Variants in VASH1 observed in about 807,000 individuals in gnomAD.
VASH1 encodes tubulinyl-Tyr carboxypeptidase 1.
A neutral mutation model predicts 35.0 loss-of-function variants in VASH1; 16 were observed. The observed-to-expected ratio is 0.46, with a 90% CI of 0.31 to 0.70. VASH1 has a LOEUF of 0.70. Among genes scored for constraint, VASH1 ranks in the 30% least tolerant of loss-of-function variants. VASH1 has a pLI of 0.05. For synonymous variants in VASH1, 214 were observed against 200.9 expected (o/e 1.07, Z -0.55); for missense variants, 505 against 510.7 (o/e 0.99, Z 0.11).
At chr14:76,772,728 T>C (rs1026649599) in intron 3 of VASH1, among the ~76,000 whole-genome samples, 2 of 152,246 alleles carry the variant, frequency 1.3e-5, no homozygotes, top group African/African-American at 2.4e-5. Context: ...CAGTGGTGTC[T>C]ACTGTGCTTC....
At chr14:76,770,197 T>C (rs1283570891) in intron 2 of VASH1, 146 bp downstream of exon 2, 2 of 766,262 alleles carry the variant, frequency 2.6e-6, no homozygotes, top group African/African-American at 1.8e-5. Context: ...TGCTCCCTGG[T>C]GCTGTGGGAC....
intron 5 of VASH1, among the ~76,000 whole-genome samples, chr14:76,777,420 A>G (rs1241586381): frequency 2.0e-5 from 3 of 152,226 alleles, no homozygotes; most frequent in Non-Finnish European, 4.4e-5. Context: ...TTCCCAGCCT[A>G]TTCAGTGCTA....
At position 76,777,634 on chromosome 14, in the gene VASH1, A is replaced by C. The variant is rs114802813; in HGVS notation, c.913-325A>C. 2.4e-3 allele frequency among the ~76,000 whole-genome samples: 370 copies of C among 152,290 alleles called. 4 individuals carry two copies. The highest frequency in any genetic ancestry group is 8.7e-3 in the African/African-American group (360 of 41,564). On this transcript the variant is annotated intron_variant, in intron 5 of 6. Coordinates refer to ENST00000167106, the MANE Select transcript of VASH1 (RefSeq NM_014909.5). ...TGAGTGGGATCTCAGCCCCAAGTTC[A>C]GTGTGGGCTGCTCCCACAACTGGCA... is the stretch of plus-strand genomic sequence containing the variant.
intron 5 of VASH1, among the ~76,000 whole-genome samples, 188 bp from the exon 6 acceptor site, chr14:76,777,771 G>A (rs534413251): frequency 1.4e-4 from 21 of 152,328 alleles, no homozygotes; most frequent in Non-Finnish European, 2.6e-4. Context: ...CCCCATGGAG[G>A]AACTCCTGCT....
intron 5 of VASH1, among the ~76,000 whole-genome samples, chr14:76,777,600 C>G (rs1188563401): frequency 1.3e-5 from 2 of 152,232 alleles, no homozygotes; most frequent in African/African-American, 4.8e-5. Context: ...CCCAGCATCA[C>G]CCTTGGGGTG....
rs1894018829 is a variant in VASH1 at position 76,778,811 on chromosome 14, GCA to G, written c.1026-133_1026-132del. The G allele has an allele frequency of 5.9e-6, 5 of 843,128 alleles. No individual in the cohort carries two copies. The Admixed American group carries it at 8.7e-5, about 15-fold the overall frequency. 52.2% of individuals were successfully genotyped at this position (843,128 alleles called of 1,614,324 possible). A position where few individuals can be genotyped will look rare whatever the true frequency, so the allele number is the denominator to read the frequency against. On this transcript the variant is annotated intron_variant, in intron 6 of 6. Transcript: ENST00000167106. ...GGTGTCCAAAAACACACTTCCATAC[GCA>G]CTGTGCTGTGCGTTGGAGGGCCACT...
rs544802826 is a variant in VASH1 at position 76,773,180 on chromosome 14, A to G, written c.499A>G (p.Ile167Val). ...GGAAATGACCAAAGAGGCCCTGCCA[A>G]TCAAATGCCTGGAAGCCGTGATCCT... ...AKEMTKEALP[I>V]KCLEAVILGI... The change falls in exon 4 of 7, where the codon ATC becomes GTC. Residue 167 changes from isoleucine to valine, a missense_variant. Physicochemically the swap from Ile to Val is conservative, Grantham distance 29 (BLOSUM62 3). Coordinates refer to ENST00000167106, the MANE Select transcript of VASH1 (RefSeq NM_014909.5). 1 of 1,614,120 alleles carries G rather than the reference A, an allele frequency of 6.2e-7. No homozygotes were observed. Among genetic ancestry groups the G allele is most frequent in the Middle Eastern group, 1.6e-4 (1 of 6,062 alleles).
Position 76,779,792 on chromosome 14 carries a change from T to C in VASH1, c.*774T>C, listed in dbSNP as rs748431831. 94 of 516,676 alleles carry C rather than the reference T, an allele frequency of 1.8e-4. No homozygotes were observed. The highest frequency in any genetic ancestry group is 2.9e-4 in the Non-Finnish European group (84 of 294,532). 32.0% of individuals were successfully genotyped at this position (516,676 alleles called of 1,614,324 possible). On this transcript the variant is annotated 3_prime_UTR_variant, in exon 7 of 7. Coordinates refer to ENST00000167106, the MANE Select transcript of VASH1 (RefSeq NM_014909.5). Reference sequence around the variant, plus strand: ...CTGTTGCTCTAGCCCACAGGCTCCCTGCGGAGGGTCTGGGCTTGGCGGAGG... The same window carrying C: ...CTGTTGCTCTAGCCCACAGGCTCCCCGCGGAGGGTCTGGGCTTGGCGGAGG...
intron 2 of VASH1, among the ~76,000 whole-genome samples, chr14:76,770,635 C>T (rs1160680557): frequency 1.3e-5 from 2 of 151,120 alleles, no homozygotes; most frequent in Non-Finnish European, 3.0e-5. Context: ...CACCCTGCCC[C>T]TGCACCCTGC....
In VASH1 at chr14:76,776,022, AGTCGGCG is replaced by A; in HGVS notation, c.662_668del (p.Ser221ThrfsTer4). On this transcript the variant is annotated frameshift_variant, in exon 5 of 7. Coordinates refer to ENST00000167106, the MANE Select transcript of VASH1 (RefSeq NM_014909.5). LOFTEE classifies it high-confidence loss of function. ...GGGCCGCTACGGTGCGCTGGGCATG[AGTCGGCG>A]CGAGGACCTGATGTACAAGCCGCCC... is the stretch of plus-strand genomic sequence containing the variant. 1 of 1,612,598 alleles carries A rather than the reference AGTCGGCG, an allele frequency of 6.2e-7. No individual in the cohort carries two copies. Among genetic ancestry groups the A allele is most frequent in the Non-Finnish European group, 8.5e-7 (1 of 1,179,814 alleles).
At position 76,779,405 on chromosome 14, in the gene VASH1, T is replaced by C. The variant is rs1041134418; in HGVS notation, c.*387T>C. ...CCCTGGCTTCTCTCTGGGAGTTGGGTGCATCTTATCAGTGGGAAATCTCCC... is the reference window on the plus strand; with the variant it reads ...CCCTGGCTTCTCTCTGGGAGTTGGGCGCATCTTATCAGTGGGAAATCTCCC... On this transcript the variant is annotated 3_prime_UTR_variant, in exon 7 of 7. Transcript: ENST00000167106. 8.6e-6 allele frequency: 6 copies of C among 700,700 alleles called. No individual in the cohort carries two copies. Among genetic ancestry groups the C allele is most frequent in the Non-Finnish European group, 1.0e-5 (4 of 384,564 alleles). The allele number at this position is 700,700 out of a possible 1,614,324, so 43.4% of individuals were successfully genotyped here.
At chr14:76,774,013 A>G (rs952114949) in intron 4 of VASH1, 1 of 152,234 alleles carries the variant, frequency 6.6e-6, no homozygotes, top group Non-Finnish European at 1.5e-5. Context: ...CAGCTTTTAA[A>G]CATTTTGCCT....
rs534402613 is a variant in VASH1 at position 76,771,096 on chromosome 14, C to T, written c.399-94C>T. ...TTCATGCTGTGCCCCCATCTCCCCT[C>T]CAGGAGACTTGGCTCTTGAGCTTCA... is the stretch of plus-strand genomic sequence containing the variant. On this transcript the variant is annotated intron_variant, in intron 2 of 6. Transcript: ENST00000167106. The T allele has an allele frequency of 5.9e-6, 7 of 1,188,050 alleles. No homozygotes were observed. The Admixed American group carries it at 8.1e-5, about 14-fold the overall frequency. The allele number at this position is 1,188,050 out of a possible 1,614,324, so 73.6% of individuals were successfully genotyped here.
At chr14:76,768,488 A>C (rs1893703655) in intron 1 of VASH1, among the ~76,000 whole-genome samples, 1 of 152,062 alleles carries the variant, frequency 6.6e-6, no homozygotes, top group African/African-American at 2.4e-5. Flanking sequence ...GTGGCCCTGG[A>C]CCAGGGCCCC....
chr14:76,767,092 A>G (rs958143690), intron 1 of VASH1, among the ~76,000 whole-genome samples: 1 of 151,824 alleles, frequency 6.6e-6, no homozygotes, highest in Non-Finnish European at 1.5e-5. Context: ...TAAAAATACA[A>G]AAATTAGCTG....
At position 76,776,865 on chromosome 14, in the gene VASH1, C is replaced by T. The variant is rs575034359; in HGVS notation, c.912+592C>T. 3.3e-5 allele frequency among the ~76,000 whole-genome samples: 5 copies of T among 152,270 alleles called. No homozygotes were observed. The East Asian group carries it at 9.7e-4, about 29-fold the overall frequency. On this transcript the variant is annotated intron_variant, in intron 5 of 6. Transcript: ENST00000167106. Reference sequence around the variant, plus strand: ...TGCCAGGGCCCCCTGCTGGGTATCTCCATAGCTCAGTCACTGCTGCACTGT... The same window carrying T: ...TGCCAGGGCCCCCTGCTGGGTATCTTCATAGCTCAGTCACTGCTGCACTGT...
intron 1 of VASH1, among the ~76,000 whole-genome samples, chr14:76,769,665 G>A (rs1177032116): frequency 6.6e-6 from 1 of 152,178 alleles, no homozygotes; most frequent in Non-Finnish European, 1.5e-5. Context: ...ATTTAAAATA[G>A]TCAGTGAATT....
At position 76,778,049 on chromosome 14, in the gene VASH1, A is replaced by G. The variant is rs1159953290; in HGVS notation, c.1003A>G (p.Arg335Gly). Residue 335 changes from arginine (R) to glycine (G), a missense_variant, in exon 6 of 7, where the codon AGG (arginine) becomes GGG (glycine). Coordinates refer to ENST00000167106, the MANE Select transcript of VASH1 (RefSeq NM_014909.5). The stretch of plus-strand genomic sequence containing the variant: ...GCGGGCCCAGTCCAGCCCCCACCGC[A>G]GGAACAGCCGCAGTGAAAGACGGTG... ...PQRAQSSPHR[R>G]NSRSERRPSG... 3 of 1,514,606 alleles carry G rather than the reference A, an allele frequency of 2.0e-6. No individual in the cohort carries two copies. The Admixed American group carries it at 6.7e-5, about 34-fold the overall frequency. 93.8% of individuals were successfully genotyped at this position (1,514,606 alleles called of 1,614,324 possible). A position where few individuals can be genotyped will look rare whatever the true frequency, so the allele number is the denominator to read the frequency against.
chr14:76,772,060 T>C (rs1392157643), intron 3 of VASH1, among the ~76,000 whole-genome samples: 2 of 152,074 alleles, frequency 1.3e-5, no homozygotes, highest in African/African-American at 2.4e-5. Flanking sequence ...GCCAACATGG[T>C]GAAACCCCAT....
Sources: gnomAD v4.1 joint callset for allele counts (sites outside exome capture counted in the v4.1 genomes callset) on GRCh38, gnomAD v4.1.1 for gene constraint, MANE v1.5 for transcripts, NCBI Gene and HGNC (gene_info 2026-07-23, HGNC 2026-07-21) for gene names.